The following ADAM18 variants were observed in gnomAD, a reference collection of about 807,000 sequenced individuals.
The protein encoded by ADAM18 is disintegrin and metalloproteinase domain-containing protein 18.
ADAM18 carries 117 observed loss-of-function variants against 94.4 expected under a neutral mutation model. The ratio of observed to expected loss-of-function variants is 1.24; its 90% CI spans 1.07 to 1.45. The LOEUF is 1.45. Among genes scored for constraint, ADAM18 ranks in the 40% most tolerant of loss-of-function variants. The pLI, the probability that ADAM18 is intolerant of heterozygous loss-of-function variation, is 0.00. For missense variants in ADAM18, 936 were observed against 880.0 expected (o/e 1.06, Z -0.81); for synonymous variants, 327 against 291.6 (o/e 1.12, Z -1.24).
Position 39,609,146 on chromosome 8 carries a change from TGTTA to T in ADAM18, c.267+27_267+30del, listed in dbSNP as rs200685942. On this transcript the variant is annotated intron_variant, in intron 4 of 19. Coordinates refer to ENST00000265707, the MANE Select transcript of ADAM18 (RefSeq NM_014237.3). ...GTAAAGTAAGATACCTTATTTTTTTTGTTAAAGTGGTTATATTATTACCATTAGA... is the reference window on the plus strand; with the variant it reads ...GTAAAGTAAGATACCTTATTTTTTTTAAGTGGTTATATTATTACCATTAGA... The T allele has an allele frequency of 6.6e-3, 9,395 of 1,417,338 alleles. 49 individuals are homozygous for T. Among genetic ancestry groups the T allele is most frequent in the Middle Eastern group, 0.011 (60 of 5,504 alleles). The allele number at this position is 1,417,338 out of a possible 1,614,324, so 87.8% of individuals were successfully genotyped here.
chr8:39,615,697 A>G (rs535205642), intron 6 of ADAM18, among the ~76,000 whole-genome samples: 155 of 152,284 alleles, frequency 1.0e-3, no homozygotes, highest in African/African-American at 3.7e-3. Flanking sequence ...ACATAGTACT[A>G]GAAGACCTCA....
intron 10 of ADAM18, among the ~76,000 whole-genome samples, chr8:39,638,952 T>A (rs982551268): frequency 6.6e-6 from 1 of 151,926 alleles, no homozygotes; most frequent in African/African-American, 2.4e-5. Flanking sequence ...TATGAATGCA[T>A]AAATAATATA....
chr8:39,661,319 ATTTTTTTTT>A (rs71518171), intron 12 of ADAM18, among the ~76,000 whole-genome samples: 7 of 112,852 alleles, frequency 6.2e-5, no homozygotes, highest in East Asian at 3.8e-4. Context: ...CACCCGGCAA[ATTTTTTTTT>A]TTTTTTTTTT....
intron 5 of ADAM18, among the ~76,000 whole-genome samples, chr8:39,609,947 G>C (rs1819215320): frequency 6.6e-6 from 1 of 152,088 alleles, no homozygotes; most frequent in Non-Finnish European, 1.5e-5. Flanking sequence ...TAGTTAAGAA[G>C]ATCCCTCAGG....
intron 17 of ADAM18, among the ~76,000 whole-genome samples, chr8:39,703,406 T>C (rs1397259443): frequency 1.3e-5 from 2 of 152,160 alleles, no homozygotes; most frequent in Non-Finnish European, 2.9e-5. Flanking sequence ...TATTTTTAGA[T>C]ATAGGATCAT....
At chr8:39,711,382 C>CTT (rs1671492212) in intron 18 of ADAM18, among the ~76,000 whole-genome samples, 1 of 152,124 alleles carries the variant, frequency 6.6e-6, no homozygotes. Flanking sequence ...AAAAGGAAAG[C>CTT]ATGACCTATT....
intron 6 of ADAM18, among the ~76,000 whole-genome samples, chr8:39,613,683 C>G (rs780498477): frequency 3.3e-5 from 5 of 152,016 alleles, no homozygotes; most frequent in Admixed American, 6.5e-5. Context: ...TAAAGATCAT[C>G]AAGATTTAGG....
In ADAM18 at chr8:39,609,074, C is replaced by A; in HGVS notation, c.221C>A (p.Thr74Lys). ...SFLPQNFLVY[T>K]YNETGSLHSV... ...TTACCCCAGAACTTTTTGGTTTATACATATAATGAAACTGGATCTTTGCAT... is the reference window on the plus strand; with the variant it reads ...TTACCCCAGAACTTTTTGGTTTATAAATATAATGAAACTGGATCTTTGCAT... Residue 74 changes from threonine (T) to lysine (K), a missense_variant, in exon 4 of 20, where the codon ACA (threonine) becomes AAA (lysine). Thr to Lys is a moderately conservative substitution (Grantham distance 78). Transcript: ENST00000265707. 1 of 1,589,692 alleles carries A rather than the reference C, an allele frequency of 6.3e-7. No individual in the cohort carries two copies. Among genetic ancestry groups the A allele is most frequent in the Non-Finnish European group, 8.6e-7 (1 of 1,167,806 alleles).
chr8:39,663,969 A>G, intron 13 of ADAM18, 79 bp downstream of exon 13: 1 of 895,572 alleles, frequency 1.1e-6, no homozygotes, highest in Non-Finnish European at 1.7e-6. Context: ...TGTGCAATTA[A>G]TAAAAAGAAT....
chr8:39,680,242 A>G lies in ADAM18; in HGVS notation c.1821+16A>G, dbSNP rs1821417788. ...TCCAGAAATGGTAACAAAATGTGAT[A>G]ATTTATATTCAGCTGTGTTAAATTA... On this transcript the variant is annotated intron_variant, in intron 16 of 19. Coordinates refer to ENST00000265707, the MANE Select transcript of ADAM18 (RefSeq NM_014237.3). The G allele has an allele frequency of 1.2e-6, 2 of 1,603,204 alleles. No individual in the cohort carries two copies. Among genetic ancestry groups the G allele is most frequent in the Non-Finnish European group, 1.7e-6 (2 of 1,174,902 alleles).
intron 19 of ADAM18, among the ~76,000 whole-genome samples, chr8:39,724,646 T>C (rs1822850565): frequency 6.6e-6 from 1 of 151,912 alleles, no homozygotes. Flanking sequence ...GTAAGGCCAA[T>C]GCTTACATGA....
chr8:39,692,554 T>A (rs368658973), intron 16 of ADAM18, 46 bp from the exon 17 acceptor site: 8 of 1,241,740 alleles, frequency 6.4e-6, no homozygotes, highest in African/African-American at 3.1e-5. Flanking sequence ...TTTCTTGTTT[T>A]ATATGACATT....
chr8:39,659,288 G>T (rs1820768665), intron 12 of ADAM18, among the ~76,000 whole-genome samples: 2 of 151,476 alleles, frequency 1.3e-5, no homozygotes, highest in Admixed American at 1.3e-4. Context: ...TAATTGATTG[G>T]ATTTTTACAT....
chr8:39,720,968 C>G (rs1304897861), intron 18 of ADAM18, among the ~76,000 whole-genome samples: 1 of 151,372 alleles, frequency 6.6e-6, no homozygotes, highest in Non-Finnish European at 1.5e-5. Context: ...TTCAAACTAC[C>G]CAAATGTCTG....
At chr8:39,701,751 G>A (rs1822085494) in intron 17 of ADAM18, among the ~76,000 whole-genome samples, 1 of 152,052 alleles carries the variant, frequency 6.6e-6, no homozygotes, top group Admixed American at 6.6e-5. Flanking sequence ...TTGATTTTCT[G>A]TTCCTGTGTT....
chr8:39,705,506 C>T (rs2129581282), intron 17 of ADAM18, among the ~76,000 whole-genome samples: 1 of 152,222 alleles, frequency 6.6e-6, no homozygotes, highest in Admixed American at 6.5e-5. Flanking sequence ...AGGAGGATTA[C>T]TTGAGCCCAG....
intron 2 of ADAM18, among the ~76,000 whole-genome samples, chr8:39,588,249 A>T (rs1818466008): frequency 6.6e-6 from 1 of 151,166 alleles, no homozygotes; most frequent in African/African-American, 2.4e-5. Context: ...TTTTTTTAAC[A>T]AAACCCATTA....
At chr8:39,636,028 A>ATT in intron 7 of ADAM18, among the ~76,000 whole-genome samples, 3 of 144,442 alleles carry the variant, frequency 2.1e-5, no homozygotes, top group Non-Finnish European at 4.5e-5. Flanking sequence ...TTTTTGAGAG[A>ATT]GAGAGAGAGA....
intron 2 of ADAM18, among the ~76,000 whole-genome samples, chr8:39,596,902 C>A (rs866815903): frequency 6.6e-6 from 1 of 152,048 alleles, no homozygotes; most frequent in Admixed American, 6.5e-5. Flanking sequence ...TTTTAATTTG[C>A]AATTCCTTAA....
Sources: gnomAD v4.1 joint callset for allele counts (sites outside exome capture counted in the v4.1 genomes callset) on GRCh38, gnomAD v4.1.1 for gene constraint, MANE v1.5 for transcripts, NCBI Gene and HGNC (gene_info 2026-07-23, HGNC 2026-07-21) for gene names.